Variants in C11orf58 observed in about 807,000 individuals in gnomAD.
C11orf58 encodes the protein chromosome 11 open reading frame 58.
C11orf58 carries 5 observed loss-of-function variants against 22.7 expected under a neutral mutation model. The observed-to-expected ratio is 0.22, with a 90% CI of 0.12 to 0.46. C11orf58 has a LOEUF of 0.46. Among genes scored for constraint, C11orf58 ranks in the 20% least tolerant of loss-of-function variants. C11orf58 has a pLI of 0.99. For missense variants in C11orf58, 151 were observed against 223.3 expected, an observed-to-expected ratio of 0.68 and a Z score of 2.06; for synonymous variants, 71 against 70.7, an observed-to-expected ratio of 1.00 and a Z score of -0.02.
intron 1 of C11orf58, 65 bp from the exon 2 acceptor site, chr11:16,744,536 G>A: frequency 1.5e-6 from 2 of 1,301,802 alleles, no homozygotes; most frequent in Non-Finnish European, 2.2e-6. Context: ...GTTACAGGTA[G>A]ACTTTAGATT....
At chr11:16,748,054 A>C (rs771714309) in intron 2 of C11orf58, 43 bp from the exon 3 acceptor site, 2 of 1,472,674 alleles carry the variant, frequency 1.4e-6, no homozygotes, top group South Asian at 2.3e-5. Flanking sequence ...ATAAGGTTAA[A>C]TTAGTGGTCT....
At chr11:16,740,062 GCT>G (rs1479336899) in intron 1 of C11orf58, among the ~76,000 whole-genome samples, 2 of 152,066 alleles carry the variant, frequency 1.3e-5, no homozygotes, top group African/African-American at 2.4e-5. Context: ...GTTTATTCTT[GCT>G]CTCTGTTATT....
intron 3 of C11orf58, chr11:16,748,406 G>T (rs1158762858): frequency 6.3e-6 from 2 of 318,976 alleles, no homozygotes; most frequent in Non-Finnish European, 1.2e-5. Context: ...TCCAGCCTGG[G>T]CTACAGAGCA....
chr11:16,748,042 C>A, intron 2 of C11orf58, 55 bp from the exon 3 acceptor site: 1 of 1,339,736 alleles, frequency 7.5e-7, no homozygotes, highest in Non-Finnish European at 1.1e-6. Flanking sequence ...AGTAGATACC[C>A]AATAAGGTTA....
chr11:16,749,139 A>G (rs1848511580), intron 3 of C11orf58: 1 of 152,240 alleles, frequency 6.6e-6, no homozygotes, highest in South Asian at 2.1e-4. Flanking sequence ...CTGAAAATGA[A>G]TTTGGGTATT....
At chr11:16,754,822 G>A in intron 4 of C11orf58, 49 bp from the exon 5 acceptor site, 3 of 1,595,632 alleles carry the variant, frequency 1.9e-6, no homozygotes, top group South Asian at 1.1e-5. Flanking sequence ...CTCAGATTTT[G>A]TATGGGCTAA....
intron 1 of C11orf58, chr11:16,744,342 C>T (rs1848472465): frequency 2.5e-6 from 1 of 402,758 alleles, no homozygotes; most frequent in East Asian, 4.7e-5. Flanking sequence ...TTAACAAGCC[C>T]TCTAGGTGAC....
At chr11:16,747,401 A>G (rs1335673311) in intron 2 of C11orf58, 29 of 152,222 alleles carry the variant, frequency 1.9e-4, no homozygotes, top group Admixed American at 1.9e-3. Context: ...TGGTGTTTTA[A>G]TGAGCACTTA....
At chr11:16,754,354 G>T (rs1259375842) in intron 4 of C11orf58, among the ~76,000 whole-genome samples, 4 of 151,522 alleles carry the variant, frequency 2.6e-5, no homozygotes, top group East Asian at 1.9e-4. Flanking sequence ...TTTAAGAAAT[G>T]GAGTCTTGCT....
intron 2 of C11orf58, 48 bp from the exon 3 acceptor site, chr11:16,748,049 G>A (rs745440233): frequency 2.1e-6 from 3 of 1,436,558 alleles, no homozygotes; most frequent in Non-Finnish European, 2.9e-6. Context: ...ACCCAATAAG[G>A]TTAAATTAGT....
Position 16,738,791 on chromosome 11 carries a change from A to C in C11orf58, c.13A>C (p.Arg5=), listed in dbSNP as rs1444972155. 6.2e-7 allele frequency: 1 copy of C among 1,613,776 alleles called. No individual in the cohort carries two copies. Among genetic ancestry groups the C allele is most frequent in the Non-Finnish European group, 8.5e-7 (1 of 1,179,982 alleles). MSAA[R]ESHPHGVKRS... is the part of the protein sequence containing the mutation. ...GATCCCCGCAAGGATGAGTGCTGCCAGAGAGTCTCACCCGCATGGGGTGAA... is the reference window on the plus strand; with the variant it reads ...GATCCCCGCAAGGATGAGTGCTGCCCGAGAGTCTCACCCGCATGGGGTGAA... Residue 5 remains arginine (R), a synonymous_variant, in exon 1 of 5, where the codon AGA becomes CGA. Coordinates refer to ENST00000228136, the MANE Select transcript of C11orf58 (RefSeq NM_014267.6).
At chr11:16,744,509 G>T in intron 1 of C11orf58, 92 bp from the exon 2 acceptor site, 1 of 966,792 alleles carries the variant, frequency 1.0e-6, no homozygotes, top group East Asian at 2.6e-5. Flanking sequence ...CAACTGACAG[G>T]GGAAAAAAAC....
intron 1 of C11orf58, among the ~76,000 whole-genome samples, chr11:16,742,384 TA>T (rs1848455198): frequency 6.6e-6 from 1 of 152,174 alleles, no homozygotes; most frequent in African/African-American, 2.4e-5. Flanking sequence ...GATAAGGAGT[TA>T]AAATTAAGTT....
At chr11:16,749,830 C>G (rs1312995116) in intron 3 of C11orf58, 1 of 152,162 alleles carries the variant, frequency 6.6e-6, no homozygotes, top group Non-Finnish European at 1.5e-5. Context: ...TGCTTGCAGA[C>G]TCATATCAAA....
At position 16,757,556 on chromosome 11, in the gene C11orf58, T is replaced by A. The variant is rs1271843572; in HGVS notation, c.*2452T>A. On this transcript the variant is annotated 3_prime_UTR_variant, in exon 5 of 5. Transcript: ENST00000228136. The stretch of plus-strand genomic sequence containing the variant: ...TTTAAGCCTGAACATGTGGGTTTTT[T>A]AAATCAAATTGGAAAAAAATTAGAC... 6.6e-6 allele frequency among the ~76,000 whole-genome samples: 1 copy of A among 152,220 alleles called. No individual in the cohort carries two copies. Among genetic ancestry groups the A allele is most frequent in the Non-Finnish European group, 1.5e-5 (1 of 68,036 alleles).
Position 16,755,797 on chromosome 11 carries a change from C to G in C11orf58, c.*693C>G, listed in dbSNP as rs1387499400. 3.9e-5 allele frequency: 6 copies of G among 152,490 alleles called. No individual in the cohort carries two copies. The highest frequency in any genetic ancestry group is 8.8e-5 in the Non-Finnish European group (6 of 68,014). 9.4% of individuals were successfully genotyped at this position (152,490 alleles called of 1,614,324 possible). ...AAATTCTCTGATCATTTAGTTCTGT[C>G]TATTTAGAAATATGTAAAACTGGAT... On this transcript the variant is annotated 3_prime_UTR_variant, in exon 5 of 5. Coordinates refer to ENST00000228136, the MANE Select transcript of C11orf58 (RefSeq NM_014267.6).
Position 16,744,703 on chromosome 11 carries a change from G to A in C11orf58, c.147+19G>A. On this transcript the variant is annotated intron_variant, in intron 2 of 4. Transcript: ENST00000228136. The stretch of plus-strand genomic sequence containing the variant: ...AGGAAAGGTAAGCATCAGATGGTGT[G>A]CATTTTTACCTTTTCTGTGAAAATA... 2 of 1,603,740 alleles carry A rather than the reference G, an allele frequency of 1.2e-6. No individual in the cohort carries two copies. The highest frequency in any genetic ancestry group is 2.2e-5 in the East Asian group (1 of 44,700).
chr11:16,741,908 G>A (rs1382097037), intron 1 of C11orf58, among the ~76,000 whole-genome samples: 1 of 152,138 alleles, frequency 6.6e-6, no homozygotes, highest in East Asian at 1.9e-4. Flanking sequence ...ATAGATTACA[G>A]TGTAGTAATA....
At position 16,757,001 on chromosome 11, in the gene C11orf58, A is replaced by G. The variant is rs1438761751; in HGVS notation, c.*1897A>G. 1.3e-5 allele frequency: 2 copies of G among 151,694 alleles called. No individual in the cohort carries two copies. Among genetic ancestry groups the G allele is most frequent in the Non-Finnish European group, 2.9e-5 (2 of 67,970 alleles). 9.4% of individuals were successfully genotyped at this position (151,694 alleles called of 1,614,324 possible). On this transcript the variant is annotated 3_prime_UTR_variant, in exon 5 of 5. Transcript: ENST00000228136. ...GTTGATAGACTCTATCTTGCAGTAT[A>G]TTTATTTCATGTATCAGACCCCAAA...
Sources: allele counts gnomAD v4.1 joint callset (sites outside exome capture counted in the v4.1 genomes callset), GRCh38; gene constraint gnomAD v4.1.1; transcripts MANE v1.5; gene names NCBI Gene and HGNC (gene_info 2026-07-23, HGNC 2026-07-21).